PRKG1: variants seen among roughly 807,000 people sequenced by gnomAD.
PRKG1 encodes the protein cGMP-dependent protein kinase 1.
In PRKG1, 35 loss-of-function variants were observed where a neutral mutation model predicts 88.1. The ratio of observed to expected loss-of-function variants is 0.40; its 90% CI spans 0.30 to 0.53. The LOEUF (loss-of-function observed/expected upper bound fraction) is 0.53, where lower values mean the gene tolerates loss of function less well. PRKG1 is among the 20% of genes least tolerant of loss of function. The pLI is 0.59. For missense variants in PRKG1, 540 were observed against 839.8 expected (o/e 0.64, Z 4.41); for synonymous variants, 303 against 292.5 (o/e 1.04, Z -0.37).
chr10:52,085,311 C>A (rs1396253892), intron 7 of PRKG1, among the ~76,000 whole-genome samples: 4 of 140,270 alleles, frequency 2.9e-5, no homozygotes, highest in African/African-American at 7.9e-5. Flanking sequence ...TTCTTCCTTT[C>A]AGAAGAAATA....
At chr10:51,209,259 G>A (rs919831996) in intron 2 of PRKG1, among the ~76,000 whole-genome samples, 3 of 152,112 alleles carry the variant, frequency 2.0e-5, no homozygotes, top group African/African-American at 7.2e-5. Flanking sequence ...TGGTGTAAGA[G>A]TGTACAGATA....
chr10:52,074,889 G>A (rs1473188453), intron 7 of PRKG1, among the ~76,000 whole-genome samples: 1 of 152,158 alleles, frequency 6.6e-6, no homozygotes, highest in Non-Finnish European at 1.5e-5. Context: ...AGGAGCATTT[G>A]CAACTGTATT....
chr10:51,933,802 T>G (rs1022862720), intron 5 of PRKG1, among the ~76,000 whole-genome samples: 5 of 152,088 alleles, frequency 3.3e-5, no homozygotes, highest in South Asian at 2.1e-4. Flanking sequence ...ACTTTAATAA[T>G]AAGAAGAAGA....
intron 5 of PRKG1, among the ~76,000 whole-genome samples, chr10:52,038,408 G>T (rs550606977): frequency 6.6e-6 from 1 of 151,776 alleles, no homozygotes. Flanking sequence ...GTAGGGGCAC[G>T]GAAATAAGGG....
chr10:51,127,203 A>T (rs1845450146), intron 1 of PRKG1, among the ~76,000 whole-genome samples: 1 of 152,166 alleles, frequency 6.6e-6, no homozygotes, highest in Non-Finnish European at 1.5e-5. Flanking sequence ...AAATTTTTGC[A>T]ATCTATCCAT....
At position 51,699,271 on chromosome 10, in the gene PRKG1, G is replaced by A. The variant is rs760076991; in HGVS notation, c.593-105314G>A. On this transcript the variant is annotated intron_variant, in intron 3 of 17. Coordinates refer to ENST00000373980, the MANE Select transcript of PRKG1 (RefSeq NM_006258.4). Reference sequence around the variant, plus strand: ...TTAACTCCTCCTTATTCTTTTCACTGGCAGCATTGTCCACCCGAAGCGCTC... The same window carrying A: ...TTAACTCCTCCTTATTCTTTTCACTAGCAGCATTGTCCACCCGAAGCGCTC... 159 of 1,613,838 alleles carry A rather than the reference G, an allele frequency of 9.9e-5. 1 individual carries two copies. The South Asian group carries it at 1.7e-3, about 17-fold the overall frequency.
chr10:51,939,755 A>C (rs1842867178), intron 5 of PRKG1, among the ~76,000 whole-genome samples: 1 of 150,744 alleles, frequency 6.6e-6, no homozygotes, highest in Non-Finnish European at 1.5e-5. Context: ...GGAATAATAC[A>C]TATATATTTG....
intron 8 of PRKG1, among the ~76,000 whole-genome samples, chr10:52,144,566 T>A (rs568008644): frequency 2.0e-4 from 30 of 152,294 alleles, no homozygotes; most frequent in African/African-American, 7.2e-4. Flanking sequence ...ATCCCAGCAC[T>A]TTGGGAGGCC....
chr10:52,006,579 G>A (rs968253524), intron 5 of PRKG1, among the ~76,000 whole-genome samples: 1 of 151,566 alleles, frequency 6.6e-6, no homozygotes, highest in African/African-American at 2.4e-5. Context: ...CCAAAATGAA[G>A]AAAAAAGAAT....
intron 4 of PRKG1, among the ~76,000 whole-genome samples, chr10:51,875,021 T>G (rs1284877580): frequency 6.6e-6 from 1 of 152,186 alleles, no homozygotes; most frequent in Non-Finnish European, 1.5e-5. Context: ...ATTTCAAAAG[T>G]GGTAATTATC....
chr10:51,917,621 T>C (rs1842371568), intron 5 of PRKG1, among the ~76,000 whole-genome samples: 1 of 152,174 alleles, frequency 6.6e-6, no homozygotes. Context: ...TAGTATGAAA[T>C]TTTAAGTATT....
At chr10:51,539,264 A>T (rs553528923) in intron 3 of PRKG1, among the ~76,000 whole-genome samples, 187 of 152,268 alleles carry the variant, frequency 1.2e-3, no homozygotes, top group African/African-American at 4.1e-3. Context: ...AAAGTGATGG[A>T]TTCATAATTA....
intron 8 of PRKG1, among the ~76,000 whole-genome samples, chr10:52,151,493 C>A (rs899131238): frequency 2.0e-5 from 3 of 152,078 alleles, no homozygotes; most frequent in Non-Finnish European, 4.4e-5. Flanking sequence ...ATTAATTAAA[C>A]ATATGTGAAA....
intron 5 of PRKG1, among the ~76,000 whole-genome samples, chr10:51,985,579 C>T (rs1395348436): frequency 6.6e-6 from 1 of 152,100 alleles, no homozygotes; most frequent in African/African-American, 2.4e-5. Context: ...AAGAAAAAAA[C>T]ATCATTTCCT....
intron 3 of PRKG1, among the ~76,000 whole-genome samples, chr10:51,742,557 T>C (rs1182414185): frequency 2.0e-5 from 3 of 152,188 alleles, no homozygotes; most frequent in Admixed American, 2.0e-4. Context: ...TCAGCCATGC[T>C]CAAGTTGCCG....
At chr10:51,617,074 C>T (rs1839077399) in intron 3 of PRKG1, among the ~76,000 whole-genome samples, 1 of 152,118 alleles carries the variant, frequency 6.6e-6, no homozygotes, top group Admixed American at 6.6e-5. Flanking sequence ...TGCCATTGCA[C>T]AGTCTCTCAG....
chr10:51,207,086 G>A, intron 2 of PRKG1, among the ~76,000 whole-genome samples: 1 of 152,070 alleles, frequency 6.6e-6, no homozygotes, highest in East Asian at 1.9e-4. Context: ...TTTGGTAAGT[G>A]AAACAATTTC....
intron 2 of PRKG1, among the ~76,000 whole-genome samples, chr10:51,271,494 A>G (rs770425450): frequency 6.6e-6 from 1 of 152,184 alleles, no homozygotes; most frequent in Non-Finnish European, 1.5e-5. Context: ...TTATGGATAT[A>G]AGATGTATCA....
At chr10:51,093,809 C>T (rs201909465) in intron 1 of PRKG1, among the ~76,000 whole-genome samples, 2,829 of 146,648 alleles carry the variant, frequency 0.019, 77 homozygotes, top group East Asian at 0.13. Flanking sequence ...TATACACACA[C>T]ACACACACAC....
Sources: gnomAD v4.1 joint callset for allele counts (sites outside exome capture counted in the v4.1 genomes callset) on GRCh38, gnomAD v4.1.1 for gene constraint, MANE v1.5 for transcripts, NCBI Gene and HGNC (gene_info 2026-07-23, HGNC 2026-07-21) for gene names.